The following BRAF variants were observed in gnomAD, a reference collection of about 807,000 sequenced individuals.
BRAF encodes the protein serine/threonine-protein kinase B-raf.
BRAF carries 16 observed loss-of-function variants against 104.6 expected under a neutral mutation model. That is an observed-to-expected ratio of 0.15 (90% confidence interval 0.10 to 0.23). The LOEUF is 0.23. Among genes scored for constraint, BRAF ranks in the 10% least tolerant of loss-of-function variants. BRAF has a pLI of 1.00. For synonymous variants in BRAF, 310 were observed against 341.6 expected, an observed-to-expected ratio of 0.91 and a Z score of 1.02; for missense variants, 541 against 937.3, an observed-to-expected ratio of 0.58 and a Z score of 5.52.
Position 140,720,952 on chromosome 7 carries a change from CG to C in BRAF, c.*5541del, listed in dbSNP as rs1795292479. On this transcript the variant is annotated 3_prime_UTR_variant, in exon 20 of 20. Transcript: ENST00000644969. The stretch of plus-strand genomic sequence containing the variant: ...TGCTGTACATGAGAACCAGCGGTCA[CG>C]GTGCTGGAGAATGAACTCGGCTGGC... 19 of 1,065,078 alleles carry C rather than the reference CG, an allele frequency of 1.8e-5. No individual in the cohort carries two copies. The South Asian group carries it at 7.7e-4, about 43-fold the overall frequency. The allele number at this position is 1,065,078 out of a possible 1,614,324, so 66.0% of individuals were successfully genotyped here.
intron 2 of BRAF, among the ~76,000 whole-genome samples, chr7:140,845,680 CTTGTT>C (rs1157189794): frequency 6.6e-6 from 1 of 151,660 alleles, no homozygotes; most frequent in East Asian, 1.9e-4. Flanking sequence ...TTTGTTTTGC[CTTGTT>C]TTGTTTTGTT....
At chr7:140,917,043 T>C (rs550064647) in intron 1 of BRAF, among the ~76,000 whole-genome samples, 2 of 152,360 alleles carry the variant, frequency 1.3e-5, no homozygotes, top group South Asian at 2.1e-4. Context: ...ATTTGATAAA[T>C]GTGAAACAAC....
At chr7:140,919,231 C>A (rs1246154140) in intron 1 of BRAF, among the ~76,000 whole-genome samples, 1 of 151,888 alleles carries the variant, frequency 6.6e-6, no homozygotes, top group Non-Finnish European at 1.5e-5. Context: ...ACTTTGAAAA[C>A]CACCGTCCCA....
chr7:140,762,404 A>C (rs1350921291), intron 14 of BRAF, among the ~76,000 whole-genome samples: 1 of 152,242 alleles, frequency 6.6e-6, no homozygotes, highest in Non-Finnish European at 1.5e-5. Flanking sequence ...GTAGAGGGAC[A>C]CTTATAGCAC....
intron 3 of BRAF, among the ~76,000 whole-genome samples, chr7:140,812,730 A>C (rs1317871334): frequency 6.6e-6 from 1 of 152,208 alleles, no homozygotes; most frequent in Non-Finnish European, 1.5e-5. Context: ...ACCAAAATAG[A>C]CCCTAACACA....
intron 14 of BRAF, among the ~76,000 whole-genome samples, chr7:140,769,975 C>G (rs1316061267): frequency 2.0e-5 from 3 of 152,182 alleles, no homozygotes; most frequent in Non-Finnish European, 4.4e-5. Flanking sequence ...AAGCATTTTC[C>G]TATTTTAACA....
chr7:140,899,863 C>T (rs1815402623), intron 1 of BRAF, among the ~76,000 whole-genome samples: 1 of 152,210 alleles, frequency 6.6e-6, no homozygotes, highest in Non-Finnish European at 1.5e-5. Flanking sequence ...TATTGCCTTG[C>T]TTCTAACAAA....
At chr7:140,886,179 T>G (rs1273830905) in intron 1 of BRAF, among the ~76,000 whole-genome samples, 1 of 152,214 alleles carries the variant, frequency 6.6e-6, no homozygotes, top group Non-Finnish European at 1.5e-5. Context: ...GGTAATAGTT[T>G]ATGACATAAT....
At chr7:140,753,202 A>G (rs1038055783) in intron 16 of BRAF, 73 bp downstream of exon 15, 36 of 1,078,640 alleles carry the variant, frequency 3.3e-5, no homozygotes, top group Non-Finnish European at 4.9e-5. Flanking sequence ...GAGACCTTCA[A>G]TGACTTTCTA....
intron 14 of BRAF, among the ~76,000 whole-genome samples, chr7:140,759,907 A>T (rs2129004170): frequency 6.6e-6 from 1 of 152,302 alleles, no homozygotes; most frequent in South Asian, 2.1e-4. Context: ...AGCATTTCTA[A>T]AAGGCTCCCA....
rs1379698957 is a variant in BRAF, at chr7:140,734,775, A to AAAAAAAAAAG, written c.2248-6_2248-5insCTTTTTTTTT. On this transcript the variant is annotated splice_region_variant and splice_polypyrimidine_tract_variant and intron_variant, in intron 18 of 19. Coordinates refer to ENST00000644969, the MANE Select transcript of BRAF (RefSeq NM_001374258.1). ...CAGCTCAATAGAGGCGAGAATCTAC[A>AAAAAAAAAAG]AAAAAAAAAAGAAAAAAAAAAGAAA... 7 of 1,056,478 alleles carry AAAAAAAAAAG rather than the reference A, an allele frequency of 6.6e-6. No homozygotes were observed. In the East Asian group the frequency reaches 1.0e-4, roughly 16 times the overall value. The allele number at this position is 1,056,478 out of a possible 1,614,324, so 65.4% of individuals were successfully genotyped here.
At chr7:140,787,485 A>C in intron 9 of BRAF, 63 bp downstream of exon 9, 2 of 1,496,374 alleles carry the variant, frequency 1.3e-6, no homozygotes, top group Non-Finnish European at 1.9e-6. Flanking sequence ...GTATAAAGGA[A>C]ATAAGCAGCA....
intron 8 of BRAF, 34 bp from the exon 9 acceptor site, chr7:140,787,618 G>C (rs1331362585): frequency 1.3e-6 from 2 of 1,578,742 alleles, no homozygotes; most frequent in Non-Finnish European, 1.7e-6. Context: ...TTTATTCCAA[G>C]CAAGCATATA....
chr7:140,770,712 G>C (rs1050537459), intron 14 of BRAF, among the ~76,000 whole-genome samples: 19 of 152,000 alleles, frequency 1.3e-4, no homozygotes, highest in Non-Finnish European at 2.4e-4. Context: ...GAGGCGGGCA[G>C]ATCACTTGAG....
At chr7:140,875,643 G>T (rs1812157967) in intron 1 of BRAF, among the ~76,000 whole-genome samples, 1 of 152,176 alleles carries the variant, frequency 6.6e-6, no homozygotes, top group South Asian at 2.1e-4. Context: ...CTTCCAAAGT[G>T]CTGGGATTAC....
intron 19 of BRAF, among the ~76,000 whole-genome samples, chr7:140,727,483 C>T (rs922906651): frequency 1.3e-5 from 2 of 152,008 alleles, no homozygotes; most frequent in Non-Finnish European, 1.5e-5. Context: ...TGCACCCGGC[C>T]GCCATTATTT....
intron 1 of BRAF, among the ~76,000 whole-genome samples, chr7:140,858,773 T>A (rs1253620164): frequency 6.6e-6 from 1 of 152,094 alleles, no homozygotes; most frequent in Non-Finnish European, 1.5e-5. Flanking sequence ...CACAGTAAAA[T>A]GTTAACAATC....
At chr7:140,903,839 G>C (rs1211030331) in intron 1 of BRAF, among the ~76,000 whole-genome samples, 3 of 152,220 alleles carry the variant, frequency 2.0e-5, no homozygotes, top group African/African-American at 4.8e-5. Flanking sequence ...ATGGAGGAAG[G>C]AACTGTAGGT....
chr7:140,748,989 T>C (rs930426814), intron 17 of BRAF: 6 of 364,748 alleles, frequency 1.6e-5, no homozygotes, highest in South Asian at 5.3e-5. Flanking sequence ...GATGCTATAG[T>C]AGCAGAGCTC....
Sources: allele counts gnomAD v4.1 joint callset (sites outside exome capture counted in the v4.1 genomes callset), GRCh38; gene constraint gnomAD v4.1.1; transcripts MANE v1.5; gene names NCBI Gene and HGNC (gene_info 2026-07-23, HGNC 2026-07-21).